Variants in REDIC1 observed in about 807,000 individuals in gnomAD.
REDIC1 encodes the protein HEI10 Interacting Protein 1.
the REDIC1 span, among the ~76,000 whole-genome samples, chr12:39,847,756 G>A: frequency 6.6e-6 from 1 of 152,010 alleles, no homozygotes; most frequent in Non-Finnish European, 1.5e-5. Context: ...GGGTTCTTCT[G>A]TAATATACAG....
the REDIC1 span, among the ~76,000 whole-genome samples, chr12:39,865,178 T>C: frequency 3.9e-5 from 6 of 152,176 alleles, no homozygotes; most frequent in East Asian, 7.7e-4. Flanking sequence ...CACGCACACC[T>C]AGTATTGCTG....
chr12:39,794,124 A>AC, the REDIC1 span, among the ~76,000 whole-genome samples: 1 of 1,594 alleles, frequency 6.3e-4, no homozygotes, highest in Non-Finnish European at 2.1e-3. Context: ...GCCAAATTGC[A>AC]AAAAAAAAAA....
At chr12:39,792,074 A>G in the REDIC1 span, among the ~76,000 whole-genome samples, 1 of 82,410 alleles carries the variant, frequency 1.2e-5, no homozygotes, top group African/African-American at 4.7e-5. Context: ...AACACTGCAT[A>G]TCTACAACTA....
the REDIC1 span, among the ~76,000 whole-genome samples, chr12:39,653,524 CTTCTTCTTCTTCTTT>C: frequency 5.9e-4 from 34 of 57,814 alleles, no homozygotes; most frequent in African/African-American, 1.6e-3. Flanking sequence ...TCTTCTTCTT[CTTCTTCTTCTTCTTT>C]TTCTTCTTCT....
chr12:39,770,549 G>A, the REDIC1 span, among the ~76,000 whole-genome samples: 1 of 152,248 alleles, frequency 6.6e-6, no homozygotes, highest in Non-Finnish European at 1.5e-5. Flanking sequence ...GCACTGGCAT[G>A]GTCCTGTTTC....
the REDIC1 span, chr12:39,764,679 T>TTG: frequency 6.3e-7 from 1 of 1,590,628 alleles, no homozygotes; most frequent in Non-Finnish European, 8.5e-7. Flanking sequence ...TTATAGTTTA[T>TTG]CTACTCCAAA....
chr12:39,797,682 T>A, the REDIC1 span, among the ~76,000 whole-genome samples: 1 of 150,412 alleles, frequency 6.6e-6, no homozygotes, highest in African/African-American at 2.5e-5. Flanking sequence ...TGCTTTCAAA[T>A]AAAATGAAAA....
At chr12:39,654,881 T>C in the REDIC1 span, among the ~76,000 whole-genome samples, 1 of 152,180 alleles carries the variant, frequency 6.6e-6, no homozygotes, top group South Asian at 2.1e-4. Flanking sequence ...TTTTTTTTAG[T>C]GAGAACACTT....
the REDIC1 span, among the ~76,000 whole-genome samples, chr12:39,840,541 G>A: frequency 1.3e-5 from 2 of 151,970 alleles, no homozygotes; most frequent in African/African-American, 4.8e-5. Flanking sequence ...GAGACTGCAG[G>A]ATTTAGAATA....
At chr12:39,875,302 C>A in the REDIC1 span, among the ~76,000 whole-genome samples, 1 of 152,174 alleles carries the variant, frequency 6.6e-6, no homozygotes, top group African/African-American at 2.4e-5. Context: ...TGGCCCCCTT[C>A]CTCAGTCTTC....
chr12:39,701,978 G>C, the REDIC1 span, among the ~76,000 whole-genome samples: 2 of 152,090 alleles, frequency 1.3e-5, no homozygotes, highest in Admixed American at 6.6e-5. Context: ...ATGCCCACAA[G>C]AGAAAGCAGG....
chr12:39,648,026 T>C, the REDIC1 span: 5 of 1,230,122 alleles, frequency 4.1e-6, no homozygotes, highest in Admixed American at 1.2e-4. Flanking sequence ...TATATTTTCA[T>C]GAAACTCTTT....
At chr12:39,719,300 C>G in the REDIC1 span, among the ~76,000 whole-genome samples, 1 of 152,076 alleles carries the variant, frequency 6.6e-6, no homozygotes, top group South Asian at 2.1e-4. Context: ...TATGCATAAA[C>G]ACATTATAAT....
At chr12:39,737,692 A>G in the REDIC1 span, among the ~76,000 whole-genome samples, 1 of 152,244 alleles carries the variant, frequency 6.6e-6, no homozygotes, top group Non-Finnish European at 1.5e-5. Context: ...TATTTCAACC[A>G]AAAGTCTGTT....
At chr12:39,795,146 C>T in the REDIC1 span, among the ~76,000 whole-genome samples, 10 of 152,150 alleles carry the variant, frequency 6.6e-5, no homozygotes, top group Admixed American at 4.6e-4. Context: ...ATTTGGAGTA[C>T]GCTAAACTTA....
chr12:39,896,444 GTATATGTGTGTATATATGTATACATA>G, the REDIC1 span, among the ~76,000 whole-genome samples: 1 of 139,568 alleles, frequency 7.2e-6, no homozygotes, highest in African/African-American at 2.7e-5. Context: ...ATACATATAT[GTATATGTGTGTATATATGTATACATA>G]TATGTATATG....
At chr12:39,900,100 T>C in the REDIC1 span, among the ~76,000 whole-genome samples, 24 of 152,160 alleles carry the variant, frequency 1.6e-4, 2 homozygotes. Flanking sequence ...CACATGATTA[T>C]CTCAATAGAG....
the REDIC1 span, among the ~76,000 whole-genome samples, chr12:39,904,490 C>T: frequency 6.6e-6 from 1 of 152,132 alleles, no homozygotes; most frequent in Admixed American, 6.6e-5. Flanking sequence ...CTGCATATTG[C>T]CTTTCTTATG....
the REDIC1 span, among the ~76,000 whole-genome samples, chr12:39,793,921 G>C: frequency 6.6e-6 from 1 of 151,986 alleles, no homozygotes; most frequent in Non-Finnish European, 1.5e-5. Context: ...ATCTCAGTGA[G>C]CTCATTATGG....
Sources: allele counts gnomAD v4.1 joint callset (sites outside exome capture counted in the v4.1 genomes callset), GRCh38; gene constraint gnomAD v4.1.1; transcripts MANE v1.5; gene names NCBI Gene and HGNC (gene_info 2026-07-23, HGNC 2026-07-21).